The following NHLH1 variants were observed in gnomAD, a reference collection of about 807,000 sequenced individuals.
The protein encoded by NHLH1 is helix-loop-helix protein 1.
In NHLH1, 3 loss-of-function variants were observed where a neutral mutation model predicts 6.7. The observed-to-expected ratio is 0.44, with a 90% confidence interval of 0.20 to 1.15. The LOEUF is 1.15. Ranked by LOEUF, NHLH1 falls within the 50% of genes most tolerant of loss-of-function variation. The probability of loss-of-function intolerance (pLI) is 0.26; values close to 1 mark genes in which losing one functional copy is unlikely to be tolerated. For synonymous variants in NHLH1, 92 were observed against 84.2 expected (o/e 1.09, Z -0.51); for missense variants, 177 against 189.5 (o/e 0.93, Z 0.39).
intron 1 of NHLH1, 38 bp from the exon 2 acceptor site, chr1:160,370,519 T>C: frequency 2.1e-6 from 1 of 485,428 alleles, no homozygotes. Context: ...CATTCCCTCC[T>C]CCCTCCGCTG....
intron 1 of NHLH1, among the ~76,000 whole-genome samples, chr1:160,368,145 C>A (rs561716763): frequency 1.1e-4 from 16 of 152,248 alleles, no homozygotes; most frequent in African/African-American, 3.6e-4. Flanking sequence ...GGATCCTAAC[C>A]CCTTTGAGAG....
At chr1:160,370,435 G>T in intron 1 of NHLH1, 122 bp from the exon 2 acceptor site, 1 of 152,880 alleles carries the variant, frequency 6.5e-6, no homozygotes, top group Non-Finnish European at 1.2e-5. Context: ...AGTTTCTGCT[G>T]TTCTTCCCTC....
At position 160,371,083 on chromosome 1, in the gene NHLH1, C is replaced by T. The variant is rs1303382399; in HGVS notation, c.352C>T (p.Arg118Cys). 1 of 1,613,670 alleles carries T rather than the reference C, an allele frequency of 6.2e-7. No individual in the cohort carries two copies. The highest frequency in any genetic ancestry group is 1.3e-5 in the African/African-American group (1 of 74,924). Residue 118 changes from arginine (R) to cysteine (C), a missense_variant, in exon 2 of 2, where the codon CGC (arginine) becomes TGC (cysteine). Arg to Cys is a radical substitution (Grantham distance 180). Coordinates refer to ENST00000302101, the MANE Select transcript of NHLH1 (RefSeq NM_005598.4). ...DKKLSKIEILRLAICYISYLN... is the reference protein window; with the variant it reads ...DKKLSKIEILCLAICYISYLN... Reference sequence around the variant, plus strand: ...GAAGCTCTCCAAGATTGAGATTCTGCGCCTGGCCATCTGCTATATCTCCTA... The same window carrying T: ...GAAGCTCTCCAAGATTGAGATTCTGTGCCTGGCCATCTGCTATATCTCCTA...
chr1:160,368,265 G>T (rs933358149), intron 1 of NHLH1, among the ~76,000 whole-genome samples: 1 of 152,170 alleles, frequency 6.6e-6, no homozygotes. Flanking sequence ...ATGGTGAGTG[G>T]CCCACTGTTC....
chr1:160,371,047 C>A lies in NHLH1; in HGVS notation c.316C>A (p.Pro106Thr). ...AELRKLLPTL[P>T]PDKKLSKIEI... ...GCTGCGCAAGCTGCTGCCTACGCTG[C>A]CCCCCGACAAGAAGCTCTCCAAGAT... The change falls in exon 2 of 2, where the codon CCC becomes ACC. Residue 106 changes from proline (P) to threonine (T), a missense_variant. Transcript: ENST00000302101. The A allele has an allele frequency of 6.2e-7, 1 of 1,614,020 alleles. No individual in the cohort carries two copies. The highest frequency in any genetic ancestry group is 8.5e-7 in the Non-Finnish European group (1 of 1,179,968).
chr1:160,372,835 G>A lies in NHLH1; in HGVS notation c.*1702G>A, dbSNP rs1337827430. 4 of 156,240 alleles carry A rather than the reference G, an allele frequency of 2.6e-5. No individual in the cohort carries two copies. Among genetic ancestry groups the A allele is most frequent in the South Asian group, 2.1e-4 (1 of 4,832 alleles). The allele number at this position is 156,240 out of a possible 1,614,324, so 9.7% of individuals were successfully genotyped here. A position where few individuals can be genotyped will look rare whatever the true frequency, so the allele number is the denominator to read the frequency against. On this transcript the variant is annotated 3_prime_UTR_variant, in exon 2 of 2. Coordinates refer to ENST00000302101, the MANE Select transcript of NHLH1 (RefSeq NM_005598.4). ...CAAAAAGAAAAATAAAAGTGACCTC[G>A]TTCTAGCACCAGGTATGGTTGTGGC...
rs1316778238 is a variant in NHLH1 at position 160,370,590 on chromosome 1, A to C, written c.-142A>C. The C allele has an allele frequency of 1.7e-5, 12 of 712,410 alleles. No homozygotes were observed. Among genetic ancestry groups the C allele is most frequent in the Non-Finnish European group, 2.8e-5 (12 of 427,808 alleles). 44.1% of individuals were successfully genotyped at this position (712,410 alleles called of 1,614,324 possible). ...CTGGCACCCTGACCATGGAACCCTG[A>C]AGTGGCAGTGACTTCTAGAGCTCAG... On this transcript the variant is annotated 5_prime_UTR_variant, in exon 2 of 2. The change abolishes the stop of an existing upstream ORF in the 5' untranslated region. Transcript: ENST00000302101.
chr1:160,369,637 G>A (rs772457574), intron 1 of NHLH1, among the ~76,000 whole-genome samples: 1 of 152,074 alleles, frequency 6.6e-6, no homozygotes, highest in Non-Finnish European at 1.5e-5. Flanking sequence ...CCATCCTAAT[G>A]GGTATGAAGT....
At chr1:160,369,128 G>A (rs1008656207) in intron 1 of NHLH1, among the ~76,000 whole-genome samples, 6 of 152,024 alleles carry the variant, frequency 3.9e-5, no homozygotes, top group South Asian at 2.1e-4. Context: ...CCCTGGCAAC[G>A]GCCATTCTAC....
In NHLH1 at chr1:160,367,184, G is replaced by C. The variant is rs1649504064; in HGVS notation, c.-329G>C. ...ATGTGTACCCCTCTTATCTGCCCTG[G>C]AGCCTGTACAGCCATGCCACGCTAC... is the stretch of plus-strand genomic sequence containing the variant. On this transcript the variant is annotated 5_prime_UTR_variant, in exon 1 of 2. Transcript: ENST00000302101. The C allele has an allele frequency of 6.6e-6, 1 of 152,586 alleles. No individual in the cohort carries two copies. Among genetic ancestry groups the C allele is most frequent in the Non-Finnish European group, 1.5e-5 (1 of 68,376 alleles). The allele number at this position is 152,586 out of a possible 1,614,324, so 9.5% of individuals were successfully genotyped here. A position where few individuals can be genotyped will look rare whatever the true frequency, so the allele number is the denominator to read the frequency against.
At chr1:160,369,115 A>G (rs1649562557) in intron 1 of NHLH1, among the ~76,000 whole-genome samples, 1 of 152,162 alleles carries the variant, frequency 6.6e-6, no homozygotes, top group Non-Finnish European at 1.5e-5. Flanking sequence ...CCCTCCCTCC[A>G]GCCCCTGGCA....
chr1:160,367,936 CCCCCCATAGTTCATTTGAA>C (rs370919278), intron 1 of NHLH1, among the ~76,000 whole-genome samples: 5,519 of 152,206 alleles, frequency 0.036, 116 homozygotes, highest in Middle Eastern at 0.054. Flanking sequence ...CTATTGCCAT[CCCCCCATAGTTCATTTGAA>C]CCCCAGAATA....
chr1:160,370,967 C>T lies in NHLH1; in HGVS notation c.236C>T (p.Ala79Val). The T allele has an allele frequency of 6.2e-7, 1 of 1,612,766 alleles. No individual in the cohort carries two copies. The highest frequency in any genetic ancestry group is 8.5e-7 in the Non-Finnish European group (1 of 1,179,318). ...CGCGCCACAGCCAAGTACCGCACGG[C>T]CCACGCCACGCGAGAACGCATCCGC... ...RRRATAKYRTAHATRERIRVE... is the reference protein window; with the variant it reads ...RRRATAKYRTVHATRERIRVE... Residue 79 changes from alanine to valine, a missense_variant, in exon 2 of 2, where the codon GCC becomes GTC. By Grantham distance (64) the Ala-to-Val change is moderately conservative. Coordinates refer to ENST00000302101, the MANE Select transcript of NHLH1 (RefSeq NM_005598.4).
At position 160,370,669 on chromosome 1, in the gene NHLH1, T is replaced by C. The variant is rs1344076697; in HGVS notation, c.-63T>C. 1.9e-6 allele frequency: 3 copies of C among 1,551,436 alleles called. No homozygotes were observed. The highest frequency in any genetic ancestry group is 2.6e-6 in the Non-Finnish European group (3 of 1,138,266). On this transcript the variant is annotated 5_prime_UTR_variant, in exon 2 of 2. Coordinates refer to ENST00000302101, the MANE Select transcript of NHLH1 (RefSeq NM_005598.4). ...TTCCTCCCCCTCCCACCACCAGCTTTCAAGCTCCCAGAGGGAGGGGTGGGG... is the reference window on the plus strand; with the variant it reads ...TTCCTCCCCCTCCCACCACCAGCTTCCAAGCTCCCAGAGGGAGGGGTGGGG...
chr1:160,370,810 G>GGGGGC lies in NHLH1; in HGVS notation c.88_92dup (p.Pro32ArgfsTer32). The GGGGGC allele has an allele frequency of 6.2e-7, 1 of 1,611,714 alleles. No individual in the cohort carries two copies. Among genetic ancestry groups the GGGGGC allele is most frequent in the Non-Finnish European group, 8.5e-7 (1 of 1,179,546 alleles). On this transcript the variant is annotated frameshift_variant, in exon 2 of 2. Transcript: ENST00000302101. LOFTEE classifies it high-confidence loss of function. ...GACTGAGTCGGGCTTCAGTGACTGT[G>GGGGGC]GGGGCGGGGCGGGCCCTGATGGTGC...
chr1:160,368,239 A>G (rs1213947041), intron 1 of NHLH1, among the ~76,000 whole-genome samples: 3 of 152,156 alleles, frequency 2.0e-5, no homozygotes, highest in African/African-American at 7.2e-5. Flanking sequence ...GTTTCTAATC[A>G]TTCTTAGTTG....
rs1213013216 is a variant in NHLH1, at chr1:160,372,432, T to C, written c.*1299T>C. 1 of 166,884 alleles carries C rather than the reference T, an allele frequency of 6.0e-6. No individual in the cohort carries two copies. 10.3% of individuals were successfully genotyped at this position (166,884 alleles called of 1,614,324 possible). ...CCGAGTTGTGCACTTTGGGGTAGAGTGAGGGGCTCCCAGCAGCTCTAGCTG... is the reference window on the plus strand; with the variant it reads ...CCGAGTTGTGCACTTTGGGGTAGAGCGAGGGGCTCCCAGCAGCTCTAGCTG... On this transcript the variant is annotated 3_prime_UTR_variant, in exon 2 of 2. Coordinates refer to ENST00000302101, the MANE Select transcript of NHLH1 (RefSeq NM_005598.4).
At chr1:160,368,597 G>A (rs1649550199) in intron 1 of NHLH1, among the ~76,000 whole-genome samples, 1 of 152,246 alleles carries the variant, frequency 6.6e-6, no homozygotes, top group African/African-American at 2.4e-5. Flanking sequence ...GCACAGTGGG[G>A]TGGTGGTGAG....
Position 160,371,127 on chromosome 1 carries a change from C to T in NHLH1, c.396C>T (p.Asp132=), listed in dbSNP as rs1159500495. 11 of 1,604,598 alleles carry T rather than the reference C, an allele frequency of 6.9e-6. No individual in the cohort carries two copies. The highest frequency in any genetic ancestry group is 1.7e-5 in the Admixed American group (1 of 58,870). The change falls in exon 2 of 2, where the codon GAC becomes GAT. Residue 132 remains aspartate, a synonymous_variant. Coordinates refer to ENST00000302101, the MANE Select transcript of NHLH1 (RefSeq NM_005598.4). ...CYISYLNHVL[D]V is the part of the protein sequence containing the mutation. Reference sequence around the variant, plus strand: ...TCTCCTACCTGAACCACGTGCTGGACGTCTGAACTCAGCCTGTCTCCCACC... The same window carrying T: ...TCTCCTACCTGAACCACGTGCTGGATGTCTGAACTCAGCCTGTCTCCCACC...
Sources: allele counts gnomAD v4.1 joint callset (sites outside exome capture counted in the v4.1 genomes callset), GRCh38; gene constraint gnomAD v4.1.1; transcripts MANE v1.5; gene names NCBI Gene and HGNC (gene_info 2026-07-23, HGNC 2026-07-21).